Variants in ABCB11 observed in about 807,000 individuals in gnomAD.
ABCB11 encodes the protein ATP binding cassette subfamily B member 11.
ABCB11 carries 95 observed loss-of-function variants against 148.0 expected under a neutral mutation model. The observed-to-expected ratio is 0.64, with a 90% CI of 0.54 to 0.76. ABCB11 has a LOEUF of 0.76. Ranked by LOEUF, ABCB11 falls within the 30% of genes least tolerant of loss-of-function variation. The probability of loss-of-function intolerance (pLI) is 0.00; values close to 1 mark genes in which losing one functional copy is unlikely to be tolerated. For synonymous variants in ABCB11, 591 were observed against 555.4 expected (o/e 1.06, Z -0.90); for missense variants, 1,523 against 1,617.8 (o/e 0.94, Z 1.01).
At chr2:168,929,768 A>C (rs1418466450) in intron 25 of ABCB11, among the ~76,000 whole-genome samples, 2 of 152,226 alleles carry the variant, frequency 1.3e-5, no homozygotes, top group African/African-American at 2.4e-5. Context: ...ACAAATTTAT[A>C]AATAGAAGGC....
chr2:168,969,604 C>A, intron 15 of ABCB11, 53 bp from the exon 16 acceptor site: 1 of 1,461,806 alleles, frequency 6.8e-7, no homozygotes, highest in Non-Finnish European at 9.5e-7. Flanking sequence ...AGAGCTGACA[C>A]TGACCTTTGC....
At chr2:168,968,746 T>A (rs200377464) in intron 16 of ABCB11, among the ~76,000 whole-genome samples, 2 of 146,940 alleles carry the variant, frequency 1.4e-5, no homozygotes, top group African/African-American at 2.5e-5. Context: ...TATTTTTTTT[T>A]AGCATAAATC....
intron 3 of ABCB11, 46 bp from the exon 4 acceptor site, chr2:169,014,400 A>C: frequency 1.9e-6 from 3 of 1,550,162 alleles, no homozygotes; most frequent in African/African-American, 1.4e-5. Context: ...TTTCCAATAC[A>C]ATGGGAAATT....
intron 18 of ABCB11, among the ~76,000 whole-genome samples, chr2:168,962,894 GAA>G (rs1693136746): frequency 1.3e-5 from 2 of 151,652 alleles, no homozygotes. Context: ...CTGCTCCTGA[GAA>G]AAAGTCTTCC....
At chr2:168,975,552 C>T (rs11890781) in intron 12 of ABCB11, among the ~76,000 whole-genome samples, 982 of 5,798 alleles carry the variant, frequency 0.17, 109 homozygotes, top group East Asian at 0.25. Flanking sequence ...TATATAAATA[C>T]ATAAATATTT....
chr2:168,915,593 C>T (rs1172871482), exon 3 of ABCB11, among the ~76,000 whole-genome samples: 1 of 152,184 alleles, frequency 6.6e-6, no homozygotes, highest in Non-Finnish European at 1.5e-5. Flanking sequence ...GAAGTAGCTG[C>T]ACAAAGGATG....
At position 168,964,245 on chromosome 2, in the gene ABCB11, A is replaced by G; in HGVS notation, c.2139T>C (p.Ala713=). The part of the protein sequence containing the change: ...LSYLVHEPPL[A]VVDHKSTYEE... The stretch of plus-strand genomic sequence containing the variant: ...CATAGGTAGACTTATGATCTACAAC[A>G]GCTAATGGAGGTTCGTGCACCAGGT... The change falls in exon 18 of 28, where the codon GCT becomes GCC. Residue 713 remains alanine, a synonymous_variant. Coordinates refer to ENST00000650372, the MANE Select transcript of ABCB11 (RefSeq NM_003742.4). 2 of 1,568,948 alleles carry G rather than the reference A, an allele frequency of 1.3e-6. No homozygotes were observed. Among genetic ancestry groups the G allele is most frequent in the Non-Finnish European group, 1.7e-6 (2 of 1,155,006 alleles).
chr2:169,004,981 A>G (rs1694977613), intron 5 of ABCB11, among the ~76,000 whole-genome samples: 1 of 152,100 alleles, frequency 6.6e-6, no homozygotes, highest in Admixed American at 6.5e-5. Context: ...AAGAGTCTGC[A>G]AAGAGTCCTG....
At chr2:168,972,732 A>G (rs1327614017) in intron 13 of ABCB11, among the ~76,000 whole-genome samples, 1 of 152,010 alleles carries the variant, frequency 6.6e-6, no homozygotes, top group Non-Finnish European at 1.5e-5. Flanking sequence ...ATTTTGTTGA[A>G]GCCATTAAAT....
chr2:168,980,892 C>G (rs1694112232), intron 10 of ABCB11, among the ~76,000 whole-genome samples: 1 of 152,132 alleles, frequency 6.6e-6, no homozygotes. Context: ...GACAATGAGG[C>G]AAATCCTCAA....
chr2:168,973,678 G>A (rs759716147), intron 13 of ABCB11, 37 bp downstream of exon 13: 14 of 1,607,024 alleles, frequency 8.7e-6, no homozygotes, highest in Non-Finnish European at 1.2e-5. Flanking sequence ...GCACTTTACT[G>A]TCCCCATGTA....
chr2:168,931,067 G>A (rs1448073831), intron 24 of ABCB11, among the ~76,000 whole-genome samples: 1 of 152,122 alleles, frequency 6.6e-6, no homozygotes, highest in Non-Finnish European at 1.5e-5. Context: ...CTTGGGCAAC[G>A]AAATTAAAGA....
At chr2:169,018,271 C>T (rs540788109) in intron 1 of ABCB11, 119 bp from the exon 2 acceptor site, 3 of 897,452 alleles carry the variant, frequency 3.3e-6, no homozygotes, top group East Asian at 2.7e-5. Context: ...CAATCTCAGA[C>T]AAAAGTTTTA....
Position 168,924,746 on chromosome 2 carries a change from G to C in ABCB11, c.3676C>G (p.Arg1226Gly). 1 of 1,613,586 alleles carries C rather than the reference G, an allele frequency of 6.2e-7. No homozygotes were observed. Among genetic ancestry groups the C allele is most frequent in the South Asian group, 1.1e-5 (1 of 91,058 alleles). ...ACAATGGCCCGAGCAATAGCAATGC[G>C]TTGTTTCTCCCCTCTAGAGAGTTGA... ...GSQLSRGEKQ[R>G]IAIARAIVRD... The change falls in exon 27 of 28, where the codon CGC becomes GGC. Residue 1226 changes from arginine (R) to glycine (G), a missense_variant. By Grantham distance (125) the Arg-to-Gly change is moderately radical. Transcript: ENST00000650372.
rs996614210 is a variant in ABCB11, at chr2:168,921,493, T to C, written c.*2129A>G. 1.3e-5 allele frequency among the ~76,000 whole-genome samples: 2 copies of C among 152,156 alleles called. No individual in the cohort carries two copies. The highest frequency in any genetic ancestry group is 6.5e-5 in the Admixed American group (1 of 15,284). On this transcript the variant is annotated 3_prime_UTR_variant, in exon 28 of 28. Transcript: ENST00000650372. ...TTTCTGTGACAAGAGCTCTTTTTTG[T>C]ATGTTCACTTTTATTGATTCCTGTT... is the stretch of plus-strand genomic sequence containing the variant.
intron 5 of ABCB11, among the ~76,000 whole-genome samples, chr2:169,012,756 A>G (rs1201982537): frequency 7.7e-6 from 1 of 130,416 alleles, no homozygotes; most frequent in African/African-American, 3.0e-5. Context: ...AAAAAAAAAG[A>G]AAAAAGAAAA....
chr2:168,933,547 G>A (rs1279134263), intron 23 of ABCB11, among the ~76,000 whole-genome samples: 1 of 152,212 alleles, frequency 6.6e-6, no homozygotes. Flanking sequence ...ATAGGGATAA[G>A]GGATGTGTCT....
In ABCB11 at chr2:168,998,126, A is replaced by C. The variant is rs112980109; in HGVS notation, c.390-1404T>G. ...AATCAGAGGCTCTTATAAAAGCTAA[A>C]TATCTCTGAACAGAGAGTATACTAT... is the stretch of plus-strand genomic sequence containing the variant. On this transcript the variant is annotated intron_variant, in intron 5 of 27. Transcript: ENST00000650372. Among the ~76,000 whole-genome samples the C allele has an allele frequency of 1.2e-3, 187 of 152,192 alleles. 2 individuals are homozygous for C. The highest frequency in any genetic ancestry group is 4.3e-3 in the African/African-American group (177 of 41,532).
At chr2:168,918,031 G>GT (rs35902743), downstream of ABCB11, among the ~76,000 whole-genome samples, 28,811 of 151,756 alleles carry the variant, frequency 0.19, 2,890 homozygotes, top group Non-Finnish European at 0.22. Context: ...AATTTCACCT[G>GT]TTTTTTTTCC....
Sources: allele counts gnomAD v4.1 joint callset (sites outside exome capture counted in the v4.1 genomes callset), GRCh38; gene constraint gnomAD v4.1.1; transcripts MANE v1.5; gene names NCBI Gene and HGNC (gene_info 2026-07-23, HGNC 2026-07-21).